Variants in IQGAP2 observed in about 807,000 individuals in gnomAD.
IQGAP2 encodes the protein ras GTPase-activating-like protein IQGAP2.
In IQGAP2, 173 loss-of-function variants were observed where a neutral mutation model predicts 201.3. That is an observed-to-expected ratio of 0.86 (90% CI 0.76 to 0.98). The LOEUF is 0.98. IQGAP2 is among the 50% of genes least tolerant of loss of function. The pLI, the probability that IQGAP2 is intolerant of heterozygous loss-of-function variation, is 0.00. For synonymous variants in IQGAP2, 675 were observed against 673.9 expected, an observed-to-expected ratio of 1.00 and a Z score of -0.03; for missense variants, 1,687 against 1,864.8, an observed-to-expected ratio of 0.90 and a Z score of 1.76.
chr5:76,552,383 A>G (rs971577621), intron 2 of IQGAP2, among the ~76,000 whole-genome samples: 1 of 152,190 alleles, frequency 6.6e-6, no homozygotes, highest in African/African-American at 2.4e-5. Context: ...TTTTTGCAAT[A>G]TGGATAAGCT....
At chr5:76,674,402 T>TA in intron 26 of IQGAP2, 75 bp from the exon 27 acceptor site, 7 of 846,168 alleles carry the variant, frequency 8.3e-6, no homozygotes, top group Non-Finnish European at 1.1e-5. Flanking sequence ...ATATATATCT[T>TA]TAAAAAAAAA....
chr5:76,596,704 A>G (rs1747058337), intron 9 of IQGAP2, among the ~76,000 whole-genome samples: 1 of 152,156 alleles, frequency 6.6e-6, no homozygotes, highest in Non-Finnish European at 1.5e-5. Context: ...GAGAAGGGGG[A>G]AGCGTTACAC....
intron 20 of IQGAP2, among the ~76,000 whole-genome samples, chr5:76,656,337 G>A (rs1209403682): frequency 2.0e-5 from 3 of 151,578 alleles, no homozygotes; most frequent in Non-Finnish European, 4.4e-5. Context: ...GCCCACCACC[G>A]CACCCAGCTA....
In IQGAP2 at chr5:76,668,687, C is replaced by T. The variant is rs777321676; in HGVS notation, c.2686C>T (p.Pro896Ser). ...QQLFYLLQTN[P>S]LYLAKLIFQM... is the part of the protein sequence containing the mutation. ...TTTCCTTCTTTCCTTCTAGACCAACCCTTTATACTTGGCTAAGCTGATTTT... is the reference window on the plus strand; with the variant it reads ...TTTCCTTCTTTCCTTCTAGACCAACTCTTTATACTTGGCTAAGCTGATTTT... The change falls in exon 23 of 36, where the codon CCT (proline) becomes TCT (serine). Residue 896 changes from proline (P) to serine (S), a missense_variant. Physicochemically the swap from Pro to Ser is moderately conservative, Grantham distance 74 (BLOSUM62 -1). Transcript: ENST00000274364. 4 of 1,608,170 alleles carry T rather than the reference C, an allele frequency of 2.5e-6. No individual in the cohort carries two copies. The highest frequency in any genetic ancestry group is 3.4e-6 in the Non-Finnish European group (4 of 1,177,964).
intron 2 of IQGAP2, among the ~76,000 whole-genome samples, chr5:76,495,362 A>G (rs1227789941): frequency 6.6e-6 from 1 of 152,206 alleles, no homozygotes; most frequent in Non-Finnish European, 1.5e-5. Flanking sequence ...TGGACTTATC[A>G]TGATCAATTT....
chr5:76,569,736 T>G (rs932112146), intron 3 of IQGAP2, among the ~76,000 whole-genome samples: 4 of 152,252 alleles, frequency 2.6e-5, no homozygotes, highest in Non-Finnish European at 5.9e-5. Context: ...GTTATTGTTT[T>G]GTACATTTAT....
At chr5:76,426,951 T>G (rs1752045779) in intron 1 of IQGAP2, among the ~76,000 whole-genome samples, 1 of 145,978 alleles carries the variant, frequency 6.9e-6, no homozygotes, top group African/African-American at 2.5e-5. Flanking sequence ...TGTGCAGGAC[T>G]TTACTGAAAA....
chr5:76,409,986 G>T (rs1383553229), intron 1 of IQGAP2, among the ~76,000 whole-genome samples: 1 of 152,182 alleles, frequency 6.6e-6, no homozygotes, highest in African/African-American at 2.4e-5. Flanking sequence ...TATCTATAGA[G>T]GTGGCTGATG....
At chr5:76,412,323 G>T (rs1000589558) in intron 1 of IQGAP2, among the ~76,000 whole-genome samples, 1 of 152,042 alleles carries the variant, frequency 6.6e-6, no homozygotes, top group Non-Finnish European at 1.5e-5. Flanking sequence ...AAATTAGGGT[G>T]GTTTATTTCT....
intron 2 of IQGAP2, among the ~76,000 whole-genome samples, chr5:76,508,427 AT>A (rs1333061643): frequency 6.6e-6 from 1 of 152,226 alleles, no homozygotes; most frequent in African/African-American, 2.4e-5. Flanking sequence ...CCATTAGGGA[AT>A]TACAAATTAA....
rs1746562015 is a variant in IQGAP2, at chr5:76,590,377, A to T, written c.641-31A>T. On this transcript the variant is annotated intron_variant, in intron 7 of 35. Transcript: ENST00000274364. ...TCCATGTTGTCTTTTGCTGATAAAA[A>T]CCTTTTTCTCTCTCTCTCTTTACTT... The T allele has an allele frequency of 2.6e-6, 4 of 1,546,206 alleles. No individual in the cohort carries two copies. The African/African-American group carries it at 4.2e-5, about 16-fold the overall frequency.
intron 2 of IQGAP2, chr5:76,510,554 T>C (rs905411473): frequency 6.7e-6 from 3 of 450,640 alleles, no homozygotes; most frequent in Admixed American, 2.4e-5. Context: ...CGCCAAGGTA[T>C]AGAGTCTCAT....
At chr5:76,588,801 C>A in intron 5 of IQGAP2, 105 bp from the exon 6 acceptor site, 3 of 556,228 alleles carry the variant, frequency 5.4e-6, no homozygotes, top group Non-Finnish European at 9.2e-6. Flanking sequence ...GACTAGATAT[C>A]TCTTAGGTCT....
intron 1 of IQGAP2, among the ~76,000 whole-genome samples, chr5:76,414,187 G>A (rs1219493767): frequency 6.6e-6 from 1 of 152,178 alleles, no homozygotes; most frequent in Non-Finnish European, 1.5e-5. Flanking sequence ...GGGGACCATT[G>A]TAATCAGCCA....
At chr5:76,579,380 GTTC>G (rs1238629964) in intron 5 of IQGAP2, among the ~76,000 whole-genome samples, 1 of 151,200 alleles carries the variant, frequency 6.6e-6, no homozygotes, top group Non-Finnish European at 1.5e-5. Context: ...GCAACTTTGG[GTTC>G]TTCTCCCATG....
At chr5:76,563,440 A>C (rs1454771210) in intron 3 of IQGAP2, among the ~76,000 whole-genome samples, 1 of 152,208 alleles carries the variant, frequency 6.6e-6, no homozygotes, top group Non-Finnish European at 1.5e-5. Context: ...GGGAAGGTAG[A>C]CAGATGATAA....
chr5:76,610,513 AGCCAAGATCAT>A (rs1327332900), intron 12 of IQGAP2, among the ~76,000 whole-genome samples: 2 of 151,648 alleles, frequency 1.3e-5, no homozygotes, highest in Non-Finnish European at 2.9e-5. Context: ...GGTGGCAGTG[AGCCAAGATCAT>A]GCCACAGCAC....
chr5:76,606,138 A>G, intron 11 of IQGAP2, 41 bp from the exon 12 acceptor site: 1 of 1,536,624 alleles, frequency 6.5e-7, no homozygotes, highest in South Asian at 1.3e-5. Context: ...ACGAAGAATG[A>G]ATGTCTCTAA....
intron 1 of IQGAP2, among the ~76,000 whole-genome samples, chr5:76,417,942 C>T (rs985026960): frequency 6.6e-6 from 1 of 151,548 alleles, no homozygotes; most frequent in Admixed American, 6.6e-5. Context: ...GGCGCGGTGG[C>T]TCACACCTGT....
Sources: allele counts gnomAD v4.1 joint callset (sites outside exome capture counted in the v4.1 genomes callset), GRCh38; gene constraint gnomAD v4.1.1; transcripts MANE v1.5; gene names NCBI Gene and HGNC (gene_info 2026-07-23, HGNC 2026-07-21).